The following RPN2 variants were observed in gnomAD, a reference collection of about 807,000 sequenced individuals.
RPN2 encodes the protein dolichyl-diphosphooligosaccharide--protein glycosyltransferase subunit 2.
In RPN2, 29 loss-of-function variants were observed where a neutral mutation model predicts 71.4. The ratio of observed to expected loss-of-function variants is 0.41; its 90% CI spans 0.30 to 0.55. The LOEUF is 0.55. RPN2 is among the 20% of genes least tolerant of loss of function. The pLI is 0.35. For synonymous variants in RPN2, 308 were observed against 305.0 expected, an observed-to-expected ratio of 1.01 and a Z score of -0.10; for missense variants, 726 against 774.1, an observed-to-expected ratio of 0.94 and a Z score of 0.74.
At chr20:37,186,759 T>C (rs1426411960) in intron 2 of RPN2, among the ~76,000 whole-genome samples, 1 of 152,264 alleles carries the variant, frequency 6.6e-6, no homozygotes, top group Non-Finnish European at 1.5e-5. Flanking sequence ...CTCTTAAGAC[T>C]CTTTTCACCG....
intron 2 of RPN2, among the ~76,000 whole-genome samples, chr20:37,192,269 C>G (rs541093724): frequency 3.7e-4 from 57 of 152,312 alleles, no homozygotes; most frequent in South Asian, 1.0e-3. Context: ...CTGGGGATAG[C>G]AGAGAATGAG....
At chr20:37,225,572 A>G (rs2068055944) in intron 10 of RPN2, 116 bp from the exon 11 acceptor site, 7 of 750,290 alleles carry the variant, frequency 9.3e-6, no homozygotes, top group Admixed American at 6.0e-5. Context: ...TGTCCACAAC[A>G]GAAGTGTTAC....
intron 9 of RPN2, 44 bp from the exon 10 acceptor site, chr20:37,223,834 A>G (rs959039239): frequency 1.3e-6 from 2 of 1,509,046 alleles, no homozygotes; most frequent in Non-Finnish European, 9.2e-7. Context: ...ATTCCTGAAC[A>G]CCCACCAATT....
At chr20:37,207,243 A>G (rs201964742) in intron 6 of RPN2, 30 bp from the exon 7 acceptor site, 21 of 1,591,136 alleles carry the variant, frequency 1.3e-5, no homozygotes, top group Non-Finnish European at 1.6e-5. Context: ...GCAGAGGAAG[A>G]GAAACAGCTG....
intron 4 of RPN2, among the ~76,000 whole-genome samples, chr20:37,200,150 G>A (rs973323111): frequency 5.3e-5 from 8 of 152,142 alleles, no homozygotes; most frequent in Admixed American, 1.3e-4. Flanking sequence ...GCGCCACCAC[G>A]CCTGGCCAAT....
rs565715580 is a variant in RPN2, at chr20:37,186,776, G to T, written c.207+2403G>T. Among the ~76,000 whole-genome samples the T allele has an allele frequency of 1.8e-3, 278 of 152,284 alleles. 3 individuals are homozygous for T. Among genetic ancestry groups the T allele is most frequent in the Non-Finnish European group, 2.9e-3 (197 of 68,020 alleles). ...CTTAAGACTCTTTTCACCGATAATA[G>T]TTCCCATTCCCTCTTTTCTCCCCAT... On this transcript the variant is annotated intron_variant, in intron 2 of 16. Coordinates refer to ENST00000237530, the MANE Select transcript of RPN2 (RefSeq NM_002951.5).
chr20:37,232,280 G>A lies in RPN2; in HGVS notation c.1582-16G>A, dbSNP rs975110397. 2.5e-6 allele frequency: 4 copies of A among 1,614,172 alleles called. No individual in the cohort carries two copies. The highest frequency in any genetic ancestry group is 1.7e-5 in the Admixed American group (1 of 60,034). On this transcript the variant is annotated splice_polypyrimidine_tract_variant and intron_variant, in intron 13 of 16. Coordinates refer to ENST00000237530, the MANE Select transcript of RPN2 (RefSeq NM_002951.5). ...AAGGGCACATTCTTAAGTCTTCTTG[G>A]TGTGTCTTTCGGCAGCACCTGTTCC... is the stretch of plus-strand genomic sequence containing the variant.
intron 9 of RPN2, among the ~76,000 whole-genome samples, chr20:37,222,759 G>C (rs1215560001): frequency 6.6e-6 from 1 of 152,216 alleles, no homozygotes; most frequent in East Asian, 1.9e-4. Context: ...CCTTGGGTTT[G>C]CATAATTTGC....
At chr20:37,208,310 A>G (rs2067566709) in intron 7 of RPN2, among the ~76,000 whole-genome samples, 1 of 151,802 alleles carries the variant, frequency 6.6e-6, no homozygotes, top group Admixed American at 6.6e-5. Context: ...TAAGTGCAGG[A>G]ATATTGCATT....
chr20:37,200,284 C>T lies in RPN2; in HGVS notation c.479+1059C>T, dbSNP rs761319833. On this transcript the variant is annotated intron_variant, in intron 4 of 16. Coordinates refer to ENST00000237530, the MANE Select transcript of RPN2 (RefSeq NM_002951.5). ...GATTACAGGCGTGAGCCACAGCGCC[C>T]GGCTGCCCAGCTAATTTTTTTAGTT... Among the ~76,000 whole-genome samples, 156 of 152,192 alleles carry T rather than the reference C, an allele frequency of 1.0e-3. 2 individuals are homozygous for T. Among genetic ancestry groups the T allele is most frequent in the Non-Finnish European group, 3.7e-4 (25 of 68,038 alleles).
chr20:37,197,638 G>C (rs994396396), intron 2 of RPN2, among the ~76,000 whole-genome samples: 1 of 152,028 alleles, frequency 6.6e-6, no homozygotes, highest in Non-Finnish European at 1.5e-5. Context: ...ACTGGGTCTC[G>C]CTCTGTCTCC....
chr20:37,208,286 AT>A (rs1229002420), intron 7 of RPN2, among the ~76,000 whole-genome samples: 4 of 136,014 alleles, frequency 2.9e-5, no homozygotes, highest in African/African-American at 1.1e-4. Context: ...AAAAAAAAAA[AT>A]ACAGGCTTTC....
intron 8 of RPN2, 62 bp downstream of exon 8, chr20:37,210,227 G>T: frequency 6.2e-7 from 1 of 1,606,440 alleles, no homozygotes; most frequent in African/African-American, 1.3e-5. Flanking sequence ...TTAGCCTGCA[G>T]CCAGTGTAAC....
At chr20:37,194,661 T>C (rs1433367415) in intron 2 of RPN2, among the ~76,000 whole-genome samples, 1 of 152,226 alleles carries the variant, frequency 6.6e-6, no homozygotes, top group Non-Finnish European at 1.5e-5. Flanking sequence ...AGACAGGGTG[T>C]ACAAAGCCTG....
At chr20:37,179,590 G>T (rs1237131006) in intron 1 of RPN2, 1 of 1,223,454 alleles carries the variant, frequency 8.2e-7, no homozygotes, top group Non-Finnish European at 1.1e-6. Context: ...GAGGGGTGCA[G>T]CGCGGAGCTA....
chr20:37,181,827 C>A (rs764178102), intron 1 of RPN2, among the ~76,000 whole-genome samples: 4 of 152,120 alleles, frequency 2.6e-5, no homozygotes, highest in Non-Finnish European at 5.9e-5. Context: ...CATAGACTAC[C>A]GTATTTAAAA....
chr20:37,223,402 A>G (rs951013399), intron 9 of RPN2, among the ~76,000 whole-genome samples: 1 of 152,190 alleles, frequency 6.6e-6, no homozygotes, highest in East Asian at 1.9e-4. Context: ...CATCTCTCTC[A>G]TCTTTTATTT....
At chr20:37,239,593 G>A (rs1218747666) in intron 16 of RPN2, among the ~76,000 whole-genome samples, 1 of 152,234 alleles carries the variant, frequency 6.6e-6, no homozygotes, top group African/African-American at 2.4e-5. Context: ...TTGTTTGTTT[G>A]TTTGTTTGTT....
In RPN2 at chr20:37,210,055, C is replaced by T. The variant is rs188854347; in HGVS notation, c.876C>T (p.Val292=). The change falls in exon 8 of 17, where the codon GTC becomes GTT. Residue 292 remains valine (V), a synonymous_variant. Coordinates refer to ENST00000237530, the MANE Select transcript of RPN2 (RefSeq NM_002951.5). ...TTTTTATTTATTTCCAGTTGCAAGT[C>T]ACCAATGTTCTGTCTCAGCCTCTGA... The part of the protein sequence containing the change: ...THEQAILRLQ[V]TNVLSQPLTQ... The T allele has an allele frequency of 8.1e-6, 13 of 1,614,006 alleles. No homozygotes were observed. In the East Asian group the frequency reaches 2.7e-4, roughly 33 times the overall value.
Sources: gnomAD v4.1 joint callset for allele counts (sites outside exome capture counted in the v4.1 genomes callset) on GRCh38, gnomAD v4.1.1 for gene constraint, MANE v1.5 for transcripts, NCBI Gene and HGNC (gene_info 2026-07-23, HGNC 2026-07-21) for gene names.